Variants in MEOX2 observed in about 807,000 individuals in gnomAD.
MEOX2 encodes mesenchyme homeobox 2, also known as homeobox protein MOX-2.
In MEOX2, 11 loss-of-function variants were observed where a neutral mutation model predicts 27.0. The ratio of observed to expected loss-of-function variants is 0.41; its 90% confidence interval spans 0.26 to 0.68. The LOEUF is 0.68. MEOX2 is among the 30% of genes least tolerant of loss of function. The probability of loss-of-function intolerance (pLI) is 0.33; values close to 1 mark genes in which losing one functional copy is unlikely to be tolerated. For missense variants in MEOX2, 436 were observed against 385.4 expected (o/e 1.13, Z -1.10); for synonymous variants, 189 against 155.4 (o/e 1.22, Z -1.61).
intron 1 of MEOX2, chr7:15,679,696 A>T (rs530796019): frequency 1.1e-3 from 161 of 152,170 alleles, no homozygotes; most frequent in African/African-American, 3.8e-3. Context: ...ACATTTAAAT[A>T]AATGGAAATT....
chr7:15,629,458 A>G (rs17168930), intron 1 of MEOX2, among the ~76,000 whole-genome samples: 4,784 of 152,188 alleles, frequency 0.031, 100 homozygotes, highest in South Asian at 0.073. Context: ...ATTGCTCACA[A>G]AGTGAAATCC....
At chr7:15,633,483 C>T (rs1481159142) in intron 1 of MEOX2, among the ~76,000 whole-genome samples, 1 of 151,918 alleles carries the variant, frequency 6.6e-6, no homozygotes, top group Admixed American at 6.6e-5. Context: ...CCTCTTATGG[C>T]ATCAGATAAC....
At position 15,611,435 on chromosome 7, in the gene MEOX2, A is replaced by G. The variant is rs530841222; in HGVS notation, c.*952T>C. Reference sequence around the variant, plus strand: ...GAAATGTTTTCTTGTTAATTAAATCATATTCATACAGCTAATATTTTACAG... The same window carrying G: ...GAAATGTTTTCTTGTTAATTAAATCGTATTCATACAGCTAATATTTTACAG... On this transcript the variant is annotated 3_prime_UTR_variant, in exon 3 of 3. Coordinates refer to ENST00000262041, the MANE Select transcript of MEOX2 (RefSeq NM_005924.5). The G allele has an allele frequency of 1.6e-4, 25 of 152,788 alleles. No individual in the cohort carries two copies. Among genetic ancestry groups the G allele is most frequent in the African/African-American group, 4.6e-4 (19 of 41,594 alleles). The allele number at this position is 152,788 out of a possible 1,614,324, so 9.5% of individuals were successfully genotyped here.
At position 15,662,410 on chromosome 7, in the gene MEOX2, C is replaced by A. The variant is rs192226961; in HGVS notation, c.517+23476G>T. On this transcript the variant is annotated intron_variant, in intron 1 of 2. Coordinates refer to ENST00000262041, the MANE Select transcript of MEOX2 (RefSeq NM_005924.5). ...TCTACTTATAGTTAATTTTAAAAAT[C>A]TGTATACCAAACTGCTCCAATAGCA... Among the ~76,000 whole-genome samples, 15 of 151,938 alleles carry A rather than the reference C, an allele frequency of 9.9e-5. No homozygotes were observed. In the East Asian group the frequency reaches 2.7e-3, roughly 28 times the overall value.
At position 15,686,182 on chromosome 7, in the gene MEOX2, TGG is replaced by T; in HGVS notation, c.219_220del (p.His73GlnfsTer130). 1.9e-6 allele frequency: 3 copies of T among 1,584,146 alleles called. No individual in the cohort carries two copies. The highest frequency in any genetic ancestry group is 2.3e-5 in the East Asian group (1 of 43,548). The stretch of plus-strand genomic sequence containing the variant: ...CTGCTGATGGTGGTGATGGTGGTGG[TGG>T]TGGTGGTGGTGGTGGTGCCCCCTGT... On this transcript the variant is annotated frameshift_variant, in exon 1 of 3. Transcript: ENST00000262041. LOFTEE classifies it high-confidence loss of function.
chr7:15,686,152 T>G lies in MEOX2; in HGVS notation c.251A>C (p.Gln84Pro), dbSNP rs1782379256. The G allele has an allele frequency of 6.4e-7, 1 of 1,570,576 alleles. No individual in the cohort carries two copies. The highest frequency in any genetic ancestry group is 1.5e-5 in the African/African-American group (1 of 65,422). The change falls in exon 1 of 3, where the codon CAG becomes CCG. Residue 84 changes from glutamine (Q) to proline (P), a missense_variant. Transcript: ENST00000262041. ...HHHHHHHQQQQHQALQTNWHL... is the reference protein window; with the variant it reads ...HHHHHHHQQQPHQALQTNWHL... ...CCAGTTGGTTTGCAGAGCCTGGTGC[T>G]GCTGCTGCTGATGGTGGTGATGGTG...
At position 15,680,663 on chromosome 7, in the gene MEOX2, G is replaced by A. The variant is rs550710352; in HGVS notation, c.517+5223C>T. 8 of 151,956 alleles carry A rather than the reference G, an allele frequency of 5.3e-5. No individual in the cohort carries two copies. In the South Asian group the frequency reaches 1.7e-3, roughly 32 times the overall value. The allele number at this position is 151,956 out of a possible 1,614,324, so 9.4% of individuals were successfully genotyped here. ...CCTAAGGAAAGTAGGCAAAATGTTA[G>A]TGCCTCATTATATTTACAATCTTTA... is the stretch of plus-strand genomic sequence containing the variant. On this transcript the variant is annotated intron_variant, in intron 1 of 2. Transcript: ENST00000262041.
intron 1 of MEOX2, among the ~76,000 whole-genome samples, chr7:15,658,737 G>T (rs867687879): frequency 1.3e-5 from 2 of 152,208 alleles, no homozygotes; most frequent in African/African-American, 4.8e-5. Flanking sequence ...CAAGAGAAAT[G>T]GTCTCTCTGC....
At position 15,686,504 on chromosome 7, in the gene MEOX2, A is replaced by AC. The variant is rs1554297532; in HGVS notation, c.-103dup. On this transcript the variant is annotated 5_prime_UTR_variant, in exon 1 of 3. Coordinates refer to ENST00000262041, the MANE Select transcript of MEOX2 (RefSeq NM_005924.5). Reference sequence around the variant, plus strand: ...TGGAAACCGTGTGATTTTTTTTTTAACCTCCCAAAGCAATAGCGGTGCACT... The same window carrying AC: ...TGGAAACCGTGTGATTTTTTTTTTAACCCTCCCAAAGCAATAGCGGTGCACT... 7.0e-6 allele frequency: 8 copies of AC among 1,146,598 alleles called. No individual in the cohort carries two copies. The Admixed American group carries it at 1.4e-4, about 19-fold the overall frequency. 71.0% of individuals were successfully genotyped at this position (1,146,598 alleles called of 1,614,324 possible).
At chr7:15,638,266 T>C (rs754275261) in intron 1 of MEOX2, among the ~76,000 whole-genome samples, 50 of 152,156 alleles carry the variant, frequency 3.3e-4, no homozygotes, top group Non-Finnish European at 2.1e-4. Flanking sequence ...ATTTCTTTCA[T>C]GTTTTATAGC....
intron 1 of MEOX2, chr7:15,677,478 A>T (rs1782215954): frequency 6.6e-6 from 1 of 152,050 alleles, no homozygotes; most frequent in South Asian, 2.1e-4. Flanking sequence ...CATCCACCTA[A>T]CCCTCCGGGG....
chr7:15,640,493 T>A (rs1781542499), intron 1 of MEOX2, among the ~76,000 whole-genome samples: 1 of 152,194 alleles, frequency 6.6e-6, no homozygotes. Context: ...ATTGACTTCC[T>A]TGTTTCAAAT....
At position 15,666,751 on chromosome 7, in the gene MEOX2, C is replaced by CAAAAAAAAAAAAAAAAAAAAA. The variant is rs61294753; in HGVS notation, c.517+19114_517+19134dup. Among the ~76,000 whole-genome samples, 2 of 63,068 alleles carry CAAAAAAAAAAAAAAAAAAAAA rather than the reference C, an allele frequency of 3.2e-5. 1 individual carries two copies. Among genetic ancestry groups the CAAAAAAAAAAAAAAAAAAAAA allele is most frequent in the Non-Finnish European group, 5.1e-5 (2 of 39,264 alleles). The allele number at this position is 63,068 out of a possible 152,430, so 41.4% of individuals were successfully genotyped here. Reference sequence around the variant, plus strand: ...TGGGCAACAGAGCAAGACTCTGTCTCAAAAAAAAAAAAAAAAAAAAAAAAA... The same window carrying CAAAAAAAAAAAAAAAAAAAAA: ...TGGGCAACAGAGCAAGACTCTGTCTCAAAAAAAAAAAAAAAAAAAAAAAAAAAAAAAAAAAAAAAAAAAAAA... On this transcript the variant is annotated intron_variant, in intron 1 of 2. Coordinates refer to ENST00000262041, the MANE Select transcript of MEOX2 (RefSeq NM_005924.5).
Position 15,612,334 on chromosome 7 carries a change from G to C in MEOX2, c.*53C>G, listed in dbSNP as rs927085464. ...TCTGTGTAAACGATATTTGGGTAAG[G>C]CTTGCCATCACAACATTTCTTTCCT... On this transcript the variant is annotated 3_prime_UTR_variant, in exon 3 of 3. Coordinates refer to ENST00000262041, the MANE Select transcript of MEOX2 (RefSeq NM_005924.5). 3 of 1,407,192 alleles carry C rather than the reference G, an allele frequency of 2.1e-6. No homozygotes were observed. The highest frequency in any genetic ancestry group is 2.8e-5 in the African/African-American group (2 of 70,484). 87.2% of individuals were successfully genotyped at this position (1,407,192 alleles called of 1,614,324 possible).
At chr7:15,682,001 G>A (rs1562618451) in intron 1 of MEOX2, 1 of 151,658 alleles carries the variant, frequency 6.6e-6, no homozygotes, top group Non-Finnish European at 1.5e-5. Context: ...CTTTTAACTT[G>A]AGTGTGATTA....
At chr7:15,618,539 C>T (rs1203548306) in intron 2 of MEOX2, among the ~76,000 whole-genome samples, 1 of 151,850 alleles carries the variant, frequency 6.6e-6, no homozygotes, top group Non-Finnish European at 1.5e-5. Context: ...CAACATAATA[C>T]CATCAATATT....
At chr7:15,638,804 C>G (rs150758936) in intron 1 of MEOX2, among the ~76,000 whole-genome samples, 1 of 152,052 alleles carries the variant, frequency 6.6e-6, no homozygotes, top group Non-Finnish European at 1.5e-5. Flanking sequence ...CTGTAGAGGA[C>G]AGGATTTGAT....
chr7:15,670,060 T>C (rs562090362), intron 1 of MEOX2, among the ~76,000 whole-genome samples: 2 of 152,212 alleles, frequency 1.3e-5, no homozygotes, highest in African/African-American at 2.4e-5. Flanking sequence ...TTTGCTTTCC[T>C]GCTTCCAAAA....
intron 2 of MEOX2, among the ~76,000 whole-genome samples, chr7:15,625,596 T>A (rs1369907847): frequency 6.6e-6 from 1 of 152,198 alleles, no homozygotes; most frequent in African/African-American, 2.4e-5. Context: ...TTGATATTTC[T>A]TTGGTTCCAA....
Sources: allele counts gnomAD v4.1 joint callset (sites outside exome capture counted in the v4.1 genomes callset), GRCh38; gene constraint gnomAD v4.1.1; transcripts MANE v1.5; gene names NCBI Gene and HGNC (gene_info 2026-07-23, HGNC 2026-07-21).